The following TAB2 variants were observed in gnomAD, a reference collection of about 807,000 sequenced individuals.
The protein encoded by TAB2 is TGF-beta-activated kinase 1 and MAP3K7-binding protein 2.
A neutral mutation model predicts 65.0 loss-of-function variants in TAB2; 3 were observed. The ratio of observed to expected loss-of-function variants is 0.05; its 90% CI spans 0.02 to 0.12. The LOEUF (loss-of-function observed/expected upper bound fraction) is 0.12, where lower values mean the gene tolerates loss of function less well. TAB2 is among the 10% of genes least tolerant of loss of function. The pLI is 1.00. For synonymous variants in TAB2, 298 were observed against 285.1 expected, an observed-to-expected ratio of 1.05 and a Z score of -0.46; for missense variants, 623 against 840.3, an observed-to-expected ratio of 0.74 and a Z score of 3.20.
At chr6:149,372,183 C>CAA (rs200488954) in intron 2 of TAB2, among the ~76,000 whole-genome samples, 95 of 147,230 alleles carry the variant, frequency 6.5e-4, no homozygotes, top group Non-Finnish European at 8.6e-4. Context: ...AAAATATTTT[C>CAA]AAAAAAAAAA....
chr6:149,280,153 C>G (rs1190748550), intron 1 of TAB2, among the ~76,000 whole-genome samples: 2 of 152,198 alleles, frequency 1.3e-5, no homozygotes, highest in Admixed American at 1.3e-4. Flanking sequence ...GGAATTCCCA[C>G]TTTGGATTCC....
At chr6:149,219,213 T>C (rs1432939591) in intron 1 of TAB2, among the ~76,000 whole-genome samples, 2 of 152,138 alleles carry the variant, frequency 1.3e-5, no homozygotes, top group Non-Finnish European at 2.9e-5. Context: ...AAAATCTCTG[T>C]TCTCAATGAG....
chr6:149,388,689 C>T (rs1478797517), intron 3 of TAB2, among the ~76,000 whole-genome samples: 2 of 152,018 alleles, frequency 1.3e-5, no homozygotes, highest in South Asian at 2.1e-4. Flanking sequence ...TATTTAAATA[C>T]GATTGAGGTT....
intron 1 of TAB2, among the ~76,000 whole-genome samples, chr6:149,253,828 A>G (rs1290283112): frequency 6.6e-6 from 1 of 150,998 alleles, no homozygotes; most frequent in African/African-American, 2.4e-5. Flanking sequence ...AGGCTGAGGC[A>G]GGAGAATTGC....
intron 1 of TAB2, among the ~76,000 whole-genome samples, chr6:149,282,333 A>C (rs981788231): frequency 6.6e-6 from 1 of 152,212 alleles, no homozygotes; most frequent in Non-Finnish European, 1.5e-5. Flanking sequence ...AGAATTTAAC[A>C]ATCCCTCTCA....
intron 1 of TAB2, among the ~76,000 whole-genome samples, chr6:149,361,915 A>G (rs1277178121): frequency 6.6e-6 from 1 of 152,218 alleles, no homozygotes; most frequent in Non-Finnish European, 1.5e-5. Flanking sequence ...GCTCTTTGCT[A>G]AGGCATAACA....
chr6:149,333,708 AGTGT>A (rs61004397), intron 1 of TAB2, among the ~76,000 whole-genome samples: 11,392 of 144,800 alleles, frequency 0.079, 869 homozygotes, highest in African/African-American at 0.2. Flanking sequence ...CCAGATCCAT[AGTGT>A]GTGTGTGTGT....
chr6:149,362,074 G>C (rs1780870019), intron 1 of TAB2, among the ~76,000 whole-genome samples: 3 of 152,104 alleles, frequency 2.0e-5, no homozygotes, highest in Non-Finnish European at 1.5e-5. Context: ...TCATCTTCCT[G>C]TCTTCCTGAG....
chr6:149,338,453 AAG>A (rs563191476), intron 1 of TAB2, among the ~76,000 whole-genome samples: 62 of 152,346 alleles, frequency 4.1e-4, no homozygotes, highest in African/African-American at 1.1e-3. Flanking sequence ...AAGGTAAAGA[AAG>A]AGAAGAGAGA....
At chr6:149,218,120 C>CA (rs1277146495), upstream of TAB2, 1 of 152,170 alleles carries the variant, frequency 6.6e-6, no homozygotes, top group Admixed American at 6.5e-5. Flanking sequence ...GGGCTTTCTG[C>CA]ACTCAGTGAT....
chr6:149,232,201 G>A (rs564488254), intron 1 of TAB2, among the ~76,000 whole-genome samples: 40 of 152,248 alleles, frequency 2.6e-4, no homozygotes, highest in Middle Eastern at 3.4e-3. Context: ...GGGACCACCA[G>A]CCAACCCACA....
intron 1 of TAB2, among the ~76,000 whole-genome samples, chr6:149,254,006 G>T (rs1777931771): frequency 1.4e-5 from 2 of 139,012 alleles, no homozygotes; most frequent in African/African-American, 2.7e-5. Flanking sequence ...AAGAAAGAAA[G>T]AAAGAAAGAA....
chr6:149,398,527 G>T (rs1183828768), intron 5 of TAB2, among the ~76,000 whole-genome samples: 3 of 152,106 alleles, frequency 2.0e-5, no homozygotes, highest in Non-Finnish European at 2.9e-5. Flanking sequence ...TCTAGAATCT[G>T]TTCAACTGGA....
chr6:149,357,430 A>AAC (rs1554261742), intron 1 of TAB2, among the ~76,000 whole-genome samples: 13,113 of 110,960 alleles, frequency 0.12, 863 homozygotes, highest in Middle Eastern at 0.16. Flanking sequence ...AGAAAAAAAA[A>AAC]ACACACACAC....
intron 1 of TAB2, among the ~76,000 whole-genome samples, chr6:149,318,275 G>A (rs1219410487): frequency 1.3e-5 from 2 of 151,722 alleles, no homozygotes; most frequent in Non-Finnish European, 2.9e-5. Context: ...CGTCCGTGCG[G>A]GGGGGGAGGG....
chr6:149,282,115 A>G (rs1279669707), intron 1 of TAB2, among the ~76,000 whole-genome samples: 4 of 152,058 alleles, frequency 2.6e-5, no homozygotes, highest in Admixed American at 6.6e-5. Context: ...GCAGTGAGCC[A>G]AGATTGCACC....
intron 1 of TAB2, among the ~76,000 whole-genome samples, chr6:149,272,124 G>A (rs1778375580): frequency 6.6e-6 from 1 of 152,042 alleles, no homozygotes. Flanking sequence ...GAAAAAAACA[G>A]GTTATATCCC....
chr6:149,362,366 A>ATCTGCTTCGCTTCTGGCGGG (rs1780879764), intron 1 of TAB2, among the ~76,000 whole-genome samples: 1 of 152,162 alleles, frequency 6.6e-6, no homozygotes. Context: ...GCAAAGGGGG[A>ATCTGCTTCGCTTCTGGCGGG]ACCTGGATAT....
intron 1 of TAB2, among the ~76,000 whole-genome samples, chr6:149,343,270 T>A (rs1222386447): frequency 1.3e-5 from 2 of 151,942 alleles, no homozygotes; most frequent in Middle Eastern, 3.2e-3. Context: ...ACCTAAAAAG[T>A]TGATATATTC....
Sources: gnomAD v4.1 joint callset for allele counts (sites outside exome capture counted in the v4.1 genomes callset) on GRCh38, gnomAD v4.1.1 for gene constraint, MANE v1.5 for transcripts, NCBI Gene and HGNC (gene_info 2026-07-23, HGNC 2026-07-21) for gene names.